EED: variants seen among roughly 807,000 people sequenced by gnomAD.
EED encodes embryonic ectoderm development.
In EED, 9 loss-of-function variants were observed where a neutral mutation model predicts 61.0. That is an observed-to-expected ratio of 0.15 (90% CI 0.09 to 0.26). EED has a LOEUF of 0.26. EED is among the 10% of genes least tolerant of loss of function. The pLI, the probability that EED is intolerant of heterozygous loss-of-function variation, is 1.00. For missense variants in EED, 315 were observed against 542.3 expected, an observed-to-expected ratio of 0.58 and a Z score of 4.16; for synonymous variants, 187 against 174.4, an observed-to-expected ratio of 1.07 and a Z score of -0.57.
chr11:86,266,431 G>T (rs764171665), intron 8 of EED, among the ~76,000 whole-genome samples: 2 of 151,942 alleles, frequency 1.3e-5, no homozygotes, highest in African/African-American at 2.4e-5. Context: ...TTTAAATTGT[G>T]TTGTCATCTT....
At position 86,278,132 on chromosome 11, in the gene EED, T is replaced by A. The variant is rs189345064; in HGVS notation, c.1199+141T>A. On this transcript the variant is annotated intron_variant, in intron 11 of 11. Transcript: ENST00000263360. ...ACTGTTTTCAGAGTTAAAGTTATTC[T>A]TTTTTATTCCAATAATTTTTGTTTT... The A allele has an allele frequency of 4.3e-5, 58 of 1,356,118 alleles. 1 individual carries two copies. In the East Asian group the frequency reaches 1.4e-3, roughly 32 times the overall value. The allele number at this position is 1,356,118 out of a possible 1,614,324, so 84.0% of individuals were successfully genotyped here. A position where few individuals can be genotyped will look rare whatever the true frequency, so the allele number is the denominator to read the frequency against.
rs1042074239 is a variant in EED, at chr11:86,248,422, A to G, written c.115-1874A>G. 4.6e-5 allele frequency among the ~76,000 whole-genome samples: 7 copies of G among 152,228 alleles called. No individual in the cohort carries two copies. In the East Asian group the frequency reaches 1.2e-3, roughly 25 times the overall value. On this transcript the variant is annotated intron_variant, in intron 1 of 11. Coordinates refer to ENST00000263360, the MANE Select transcript of EED (RefSeq NM_003797.5). ...AGCCAGAATGTAAAGAAACTGATAT[A>G]TAAAAACGTCTTAGAGTTTTTAAAA...
chr11:86,261,877 G>C (rs943006158), intron 6 of EED, among the ~76,000 whole-genome samples: 1 of 152,132 alleles, frequency 6.6e-6, no homozygotes, highest in African/African-American at 2.4e-5. Context: ...TGCTACTCTG[G>C]AAACCTTGCC....
Position 86,278,598 on chromosome 11 carries a change from A to G in EED, c.*73A>G. 2.6e-6 allele frequency: 4 copies of G among 1,563,914 alleles called. No individual in the cohort carries two copies. Among genetic ancestry groups the G allele is most frequent in the Non-Finnish European group, 2.6e-6 (3 of 1,150,840 alleles). On this transcript the variant is annotated 3_prime_UTR_variant, in exon 12 of 12. Coordinates refer to ENST00000263360, the MANE Select transcript of EED (RefSeq NM_003797.5). The stretch of plus-strand genomic sequence containing the variant: ...AATAGAATTAATGTATCTTGCTAGT[A>G]AGGGCACGTAGAGCATTTAGAGTTG...
intron 1 of EED, 31 bp downstream of exon 1, chr11:86,245,374 G>A (rs1008063755): frequency 1.2e-5 from 18 of 1,564,264 alleles, no homozygotes; most frequent in Middle Eastern, 3.4e-4. Context: ...TTACGAGACT[G>A]CGGAGTGAAA....
intron 9 of EED, among the ~76,000 whole-genome samples, chr11:86,269,485 T>C (rs1946059898): frequency 6.6e-6 from 1 of 152,240 alleles, no homozygotes; most frequent in South Asian, 2.1e-4. Flanking sequence ...TCACATTTTC[T>C]TGGGCAGAGC....
intron 9 of EED, among the ~76,000 whole-genome samples, chr11:86,273,689 A>AG (rs1946167574): frequency 6.6e-6 from 1 of 152,186 alleles, no homozygotes; most frequent in Non-Finnish European, 1.5e-5. Flanking sequence ...CTGGATTCAC[A>AG]GTTATTTTCT....
At chr11:86,278,360 A>G in intron 11 of EED, 39 bp from the exon 12 acceptor site, 2 of 1,599,750 alleles carry the variant, frequency 1.3e-6, no homozygotes, top group Non-Finnish European at 1.7e-6. Flanking sequence ...TGACAACGTT[A>G]TGTGTGGTCT....
intron 3 of EED, among the ~76,000 whole-genome samples, chr11:86,252,744 ATTG>A (rs377482360): frequency 1.1e-4 from 16 of 151,158 alleles, no homozygotes; most frequent in East Asian, 1.9e-4. Flanking sequence ...TTTGGTGGTG[ATTG>A]TTGTTGTTGT....
chr11:86,254,323 GTT>G (rs572030833), intron 3 of EED, among the ~76,000 whole-genome samples: 7 of 139,790 alleles, frequency 5.0e-5, no homozygotes, highest in Admixed American at 1.4e-4. Context: ...ATTTTTTATG[GTT>G]TTTTTTTTTT....
intron 9 of EED, among the ~76,000 whole-genome samples, chr11:86,269,441 C>T (rs866665853): frequency 4.6e-5 from 7 of 151,952 alleles, no homozygotes; most frequent in Admixed American, 2.6e-4. Flanking sequence ...AATTGCTGTC[C>T]GGTTTCTTTT....
At chr11:86,274,913 G>A (rs1027640885) in intron 9 of EED, among the ~76,000 whole-genome samples, 5 of 152,332 alleles carry the variant, frequency 3.3e-5, no homozygotes, top group African/African-American at 9.6e-5. Flanking sequence ...TCAGATGGAG[G>A]TGGGTCCACA....
chr11:86,254,323 G>GTTT (rs572030833), intron 3 of EED, among the ~76,000 whole-genome samples: 1 of 139,804 alleles, frequency 7.2e-6, no homozygotes, highest in Non-Finnish European at 1.6e-5. Context: ...ATTTTTTATG[G>GTTT]TTTTTTTTTT....
chr11:86,245,279 C>A lies in EED; in HGVS notation c.50C>A (p.Ala17Glu), dbSNP rs1945363239. 1.2e-6 allele frequency: 2 copies of A among 1,613,378 alleles called. No individual in the cohort carries two copies. Among genetic ancestry groups the A allele is most frequent in the Non-Finnish European group, 1.7e-6 (2 of 1,179,924 alleles). Residue 17 changes from alanine (A) to glutamate (E), a missense_variant, in exon 1 of 12, where the codon GCG becomes GAG. Around this residue, in one of 2 missense-constraint regions of EED, gnomAD observed 110 missense variants for 86.9 expected, o/e 1.27. Transcript: ENST00000263360. ...STAPAGTDMPAAKKQKLSSDE... is the reference protein window; with the variant it reads ...STAPAGTDMPEAKKQKLSSDE... ...GCGCCGGCGGGAACAGACATGCCTG[C>A]GGCCAAGAAGCAGAAGCTGAGCAGT...
rs570711525 is a variant in EED at position 86,253,753 on chromosome 11, A to G, written c.361-1469A>G. 8.5e-5 allele frequency among the ~76,000 whole-genome samples: 13 copies of G among 152,296 alleles called. 1 individual carries two copies. The East Asian group carries it at 1.3e-3, about 16-fold the overall frequency. On this transcript the variant is annotated intron_variant, in intron 3 of 11. Coordinates refer to ENST00000263360, the MANE Select transcript of EED (RefSeq NM_003797.5). ...TTGCTAATGTGACTGACTATAAGCTATAAGAAAAATGGGGCCGGGCACAGT... is the reference window on the plus strand; with the variant it reads ...TTGCTAATGTGACTGACTATAAGCTGTAAGAAAAATGGGGCCGGGCACAGT...
chr11:86,246,061 A>AT (rs1182845467), intron 1 of EED, among the ~76,000 whole-genome samples: 1 of 152,228 alleles, frequency 6.6e-6, no homozygotes, highest in African/African-American at 2.4e-5. Context: ...AGGCAGATGT[A>AT]TTTAAGTGTG....
At chr11:86,261,906 T>C (rs993807240) in intron 6 of EED, among the ~76,000 whole-genome samples, 6 of 152,222 alleles carry the variant, frequency 3.9e-5, no homozygotes, top group African/African-American at 1.4e-4. Flanking sequence ...CTTAGCTATG[T>C]CTTGAAGATC....
At chr11:86,262,636 G>A (rs921298487) in intron 6 of EED, among the ~76,000 whole-genome samples, 2 of 151,750 alleles carry the variant, frequency 1.3e-5, no homozygotes, top group Admixed American at 6.6e-5. Flanking sequence ...TCAGCCTCCC[G>A]AGTAGCTGGG....
At position 86,245,234 on chromosome 11, in the gene EED, C is replaced by A. The variant is rs1371238695; in HGVS notation, c.5C>A (p.Ser2Tyr). The change falls in exon 1 of 12, where the codon TCC (serine) becomes TAC (tyrosine). Residue 2 changes from serine (S) to tyrosine (Y), a missense_variant. This residue lies in a region of EED where 110 missense variants were observed against 86.9 expected (regional missense o/e 1.27). Transcript: ENST00000263360. M[S>Y]EREVSTAPAG... Reference sequence around the variant, plus strand: ...CCTGGAGGGAGGCGGAGGAATATGTCCGAGAGGGAAGTGTCGACTGCGCCG... The same window carrying A: ...CCTGGAGGGAGGCGGAGGAATATGTACGAGAGGGAAGTGTCGACTGCGCCG... 1 of 1,612,850 alleles carries A rather than the reference C, an allele frequency of 6.2e-7. No individual in the cohort carries two copies. Among genetic ancestry groups the A allele is most frequent in the South Asian group, 1.1e-5 (1 of 91,034 alleles).
Sources: gnomAD v4.1 joint callset for allele counts (sites outside exome capture counted in the v4.1 genomes callset) on GRCh38, gnomAD v4.1.1 for gene constraint, gnomAD v4.1.1 regional missense constraint, MANE v1.5 for transcripts, NCBI Gene and HGNC (gene_info 2026-07-23, HGNC 2026-07-21) for gene names.